Variants in ACOX1 observed in about 807,000 individuals in gnomAD.
ACOX1 encodes the protein acyl-CoA oxidase 1, also known as peroxisomal acyl-coenzyme A oxidase 1.
A neutral mutation model predicts 75.5 loss-of-function variants in ACOX1; 41 were observed. The ratio of observed to expected loss-of-function variants is 0.54; its 90% CI spans 0.42 to 0.70. ACOX1 has a LOEUF of 0.70. Among genes scored for constraint, ACOX1 ranks in the 30% least tolerant of loss-of-function variants. The pLI, the probability that ACOX1 is intolerant of heterozygous loss-of-function variation, is 0.00. For synonymous variants in ACOX1, 303 were observed against 298.8 expected (o/e 1.01, Z -0.15); for missense variants, 630 against 837.5 (o/e 0.75, Z 3.06).
rs1178513971 is a variant in ACOX1, at chr17:75,943,372, A to T, written c.*3376T>A. ...TAGCCATACCCTATTTCCAAAAATA[A>T]AAAAAAATAAAAAATTAGCCAGGTG... On this transcript the variant is annotated 3_prime_UTR_variant, in exon 14 of 14. Transcript: ENST00000293217. 6.6e-6 allele frequency: 1 copy of T among 151,810 alleles called. No individual in the cohort carries two copies. Among genetic ancestry groups the T allele is most frequent in the Non-Finnish European group, 1.5e-5 (1 of 67,936 alleles). 9.4% of individuals were successfully genotyped at this position (151,810 alleles called of 1,614,324 possible). A position where few individuals can be genotyped will look rare whatever the true frequency, so the allele number is the denominator to read the frequency against.
Position 75,978,993 on chromosome 17 carries a change from G to A in ACOX1, c.81C>T (p.Pro27=). ...TCTCTCGGCGGCGCCGGGTTTTCTC[G>A]GGGCTGCCGTCCAGGATGTGTGTAA... ...ELLTHILDGS[P]EKTRRRREIE... Residue 27 remains proline (P), a synonymous_variant, in exon 1 of 14, where the codon CCC becomes CCT. Transcript: ENST00000293217. The surrounding 1 kb of genome is among the most constrained non-coding windows in gnomAD (Gnocchi z 4.2). 1.9e-6 allele frequency: 3 copies of A among 1,611,176 alleles called. No individual in the cohort carries two copies. The highest frequency in any genetic ancestry group is 1.1e-5 in the South Asian group (1 of 91,078).
rs886053458 is a variant in ACOX1 at position 75,955,824 on chromosome 17, T to C, written c.658+4A>G. On this transcript the variant is annotated splice_donor_region_variant and intron_variant, in intron 5 of 13. Transcript: ENST00000293217. Reference sequence around the variant, plus strand: ...CATCTCAACATCAGATGAACAGTTCTTACCTGGCAAAGGCTTATGGGTCCC... The same window carrying C: ...CATCTCAACATCAGATGAACAGTTCCTACCTGGCAAAGGCTTATGGGTCCC... 2 of 1,614,164 alleles carry C rather than the reference T, an allele frequency of 1.2e-6. No homozygotes were observed. Among genetic ancestry groups the C allele is most frequent in the East Asian group, 2.2e-5 (1 of 44,874 alleles).
intron 2 of ACOX1, among the ~76,000 whole-genome samples, chr17:75,975,931 AAAAG>A (rs1443030010): frequency 1.3e-5 from 2 of 150,494 alleles, no homozygotes; most frequent in African/African-American, 4.9e-5. Flanking sequence ...AAAAGAAAGG[AAAAG>A]AAAGAAAAGA....
intron 4 of ACOX1, among the ~76,000 whole-genome samples, chr17:75,956,549 G>A (rs1017398431): frequency 2.0e-5 from 3 of 151,872 alleles, no homozygotes; most frequent in African/African-American, 7.3e-5. Flanking sequence ...TTAGTTGGGT[G>A]TGGTGGCACG....
rs958589957 is a variant in ACOX1 at position 75,967,693 on chromosome 17, CATACAT to C, written c.270-7324_270-7319del. 7.4e-5 allele frequency among the ~76,000 whole-genome samples: 8 copies of C among 108,306 alleles called. 1 individual carries two copies. The highest frequency in any genetic ancestry group is 1.8e-5 in the Non-Finnish European group (1 of 55,486). 71.1% of individuals were successfully genotyped at this position (108,306 alleles called of 152,430 possible). ...ATACATATATATACGTATATATATA[CATACAT>C]ATATATACATATATATATACACATA... On this transcript the variant is annotated intron_variant, in intron 2 of 13. Coordinates refer to ENST00000293217, the MANE Select transcript of ACOX1 (RefSeq NM_004035.7).
chr17:75,961,759 C>CAAAA (rs61575984), intron 2 of ACOX1, among the ~76,000 whole-genome samples: 14 of 53,026 alleles, frequency 2.6e-4, no homozygotes, highest in Non-Finnish European at 4.4e-4. Flanking sequence ...GACTCTGTCT[C>CAAAA]AAAAAAAAAA....
intron 4 of ACOX1, among the ~76,000 whole-genome samples, chr17:75,957,174 G>C (rs369023294): frequency 6.6e-6 from 1 of 151,586 alleles, no homozygotes; most frequent in South Asian, 2.1e-4. Flanking sequence ...CAACCTTCCC[G>C]GGTTCAAGTG....
intron 5 of ACOX1, 71 bp from the exon 6 acceptor site, chr17:75,955,752 A>G: frequency 6.2e-7 from 1 of 1,612,040 alleles, no homozygotes; most frequent in Non-Finnish European, 8.5e-7. Flanking sequence ...CCGCCTCTTC[A>G]GTTGGGCATT....
Position 75,979,109 on chromosome 17 carries a change from C to G in ACOX1, c.-36G>C, listed in dbSNP as rs1171776846. 5 of 1,606,842 alleles carry G rather than the reference C, an allele frequency of 3.1e-6. No individual in the cohort carries two copies. Among genetic ancestry groups the G allele is most frequent in the Admixed American group, 1.7e-5 (1 of 59,996 alleles). On this transcript the variant is annotated 5_prime_UTR_variant, in exon 1 of 14. Coordinates refer to ENST00000293217, the MANE Select transcript of ACOX1 (RefSeq NM_004035.7). The stretch of plus-strand genomic sequence containing the variant: ...AGCTGGCAGCGAAGTAAGCACCGAC[C>G]GAGGTGGCAGTGACAATCTAAATCC...
chr17:75,949,547 C>T lies in ACOX1; in HGVS notation c.1532G>A (p.Ser511Asn), dbSNP rs138050619. 8 of 1,614,194 alleles carry T rather than the reference C, an allele frequency of 5.0e-6. No homozygotes were observed. Among genetic ancestry groups the T allele is most frequent in the Non-Finnish European group, 5.9e-6 (7 of 1,180,034 alleles). ...AGTTAGGTTCCAAGCTACCTCCTTG[C>T]TTTTTCTGTGAATCACTTCTTTTTG... is the stretch of plus-strand genomic sequence containing the variant. Reference protein sequence around the residue: ...NLQKEVIHRKSKEVAWNLTSV... With the variant: ...NLQKEVIHRKNKEVAWNLTSV... Residue 511 changes from serine to asparagine, a missense_variant, in exon 11 of 14, where the codon AGC becomes AAC. Around this residue, in one of 2 missense-constraint regions of ACOX1, gnomAD observed 240 missense variants for 262.7 expected, o/e 0.91. Coordinates refer to ENST00000293217, the MANE Select transcript of ACOX1 (RefSeq NM_004035.7).
intron 10 of ACOX1, 44 bp downstream of exon 10, chr17:75,949,674 C>G: frequency 6.2e-7 from 1 of 1,613,862 alleles, no homozygotes; most frequent in Non-Finnish European, 8.5e-7. Context: ...TGTCAGGGCC[C>G]CAGCCCCACT....
At chr17:75,967,653 TATAC>T (rs1394608093) in intron 2 of ACOX1, among the ~76,000 whole-genome samples, 5 of 101,754 alleles carry the variant, frequency 4.9e-5, no homozygotes, top group Admixed American at 2.7e-4. Flanking sequence ...TACGTATATA[TATAC>T]ATACATATAT....
chr17:75,957,815 C>T (rs1355155366), intron 3 of ACOX1, among the ~76,000 whole-genome samples: 1 of 152,132 alleles, frequency 6.6e-6, no homozygotes, highest in East Asian at 1.9e-4. Flanking sequence ...TGATTTGTTA[C>T]ATTTATTTAC....
In ACOX1 at chr17:75,978,892, GC is replaced by G; in HGVS notation, c.109+72del. On this transcript the variant is annotated intron_variant, in intron 1 of 13. Coordinates refer to ENST00000293217, the MANE Select transcript of ACOX1 (RefSeq NM_004035.7). This position sits in a 1 kb window ranked among gnomAD's most constrained non-coding sequence, Gnocchi z 4.2. ...GGCCAGAGGGCCTAGGCCCCACAGCGCCCCTGACTCCGCATCGAGGGAGTCT... is the reference window on the plus strand; with the variant it reads ...GGCCAGAGGGCCTAGGCCCCACAGCGCCCTGACTCCGCATCGAGGGAGTCT... 6.2e-7 allele frequency: 1 copy of G among 1,601,602 alleles called. No individual in the cohort carries two copies. The highest frequency in any genetic ancestry group is 8.5e-7 in the Non-Finnish European group (1 of 1,177,986).
intron 2 of ACOX1, among the ~76,000 whole-genome samples, chr17:75,967,153 A>T (rs2065939956): frequency 6.6e-6 from 1 of 152,076 alleles, no homozygotes; most frequent in Non-Finnish European, 1.5e-5. Flanking sequence ...ATCATTAAAC[A>T]GAAACCAAAC....
At position 75,955,935 on chromosome 17, in the gene ACOX1, G is replaced by A. The variant is rs780887410; in HGVS notation, c.551C>T (p.Ser184Leu). The change falls in exon 5 of 14, where the codon TCA (serine) becomes TTA (leucine). Residue 184 changes from serine to leucine, a missense_variant. Ser to Leu is a moderately radical substitution (Grantham distance 145). Around this residue, in one of 2 missense-constraint regions of ACOX1, gnomAD observed 390 missense variants for 574.9 expected, o/e 0.68. Transcript: ENST00000293217. ...KWWPGGLGKT[S>L]NHAIVLAQLI... ...CTGGGCAAGAACTATTGCATGATTT[G>A]AAGTCTTTCCAACTGTAATATCAAA... is the stretch of plus-strand genomic sequence containing the variant. 1.1e-5 allele frequency: 18 copies of A among 1,607,924 alleles called. No homozygotes were observed. The highest frequency in any genetic ancestry group is 1.4e-5 in the Non-Finnish European group (17 of 1,176,158).
intron 2 of ACOX1, among the ~76,000 whole-genome samples, chr17:75,972,023 C>T (rs903436111): frequency 6.6e-5 from 10 of 152,044 alleles, no homozygotes; most frequent in Non-Finnish European, 1.2e-4. Context: ...ATACTCCAAG[C>T]GAGGAGGACT....
chr17:75,977,145 G>A (rs980492753), intron 2 of ACOX1, among the ~76,000 whole-genome samples: 2 of 150,896 alleles, frequency 1.3e-5, no homozygotes, highest in African/African-American at 4.9e-5. Flanking sequence ...CCCCAGAAGC[G>A]CACCACCAGG....
At chr17:75,970,763 T>C (rs2065986610) in intron 2 of ACOX1, among the ~76,000 whole-genome samples, 1 of 152,236 alleles carries the variant, frequency 6.6e-6, no homozygotes, top group South Asian at 2.1e-4. Context: ...TCTCATTCTA[T>C]ATAAGCTGCT....
Sources: allele counts gnomAD v4.1 joint callset (sites outside exome capture counted in the v4.1 genomes callset), GRCh38; gene constraint gnomAD v4.1.1; regional missense constraint gnomAD v4.1.1; non-coding constraint Gnocchi (gnomAD v3.1); transcripts MANE v1.5; gene names NCBI Gene and HGNC (gene_info 2026-07-23, HGNC 2026-07-21).